Variants in SDK2 observed in about 807,000 individuals in gnomAD.
SDK2 encodes the protein protein sidekick-2.
A neutral mutation model predicts 253.9 loss-of-function variants in SDK2; 105 were observed. That is an observed-to-expected ratio of 0.41 (90% CI 0.35 to 0.49). SDK2 has a LOEUF of 0.49. SDK2 is among the 20% of genes least tolerant of loss of function. SDK2 has a pLI of 0.06. For missense variants in SDK2, 2,608 were observed against 3,003.0 expected (o/e 0.87, Z 3.07); for synonymous variants, 1,249 against 1,234.9 (o/e 1.01, Z -0.24).
At chr17:73,543,626 C>T (rs148931003) in intron 1 of SDK2, among the ~76,000 whole-genome samples, 181 of 152,344 alleles carry the variant, frequency 1.2e-3, no homozygotes, top group African/African-American at 4.1e-3. Context: ...CAGATGTGGC[C>T]GTGAGTCTGA....
At chr17:73,380,173 G>A (rs533683759) in intron 34 of SDK2, among the ~76,000 whole-genome samples, 75 of 152,200 alleles carry the variant, frequency 4.9e-4, no homozygotes, top group African/African-American at 1.7e-3. Context: ...TGGGTTCCCT[G>A]CCCCTGCTTC....
chr17:73,607,503 G>A (rs1312210607), intron 1 of SDK2, among the ~76,000 whole-genome samples: 1 of 152,188 alleles, frequency 6.6e-6, no homozygotes, highest in Admixed American at 6.5e-5. Context: ...ATGAAAAAAA[G>A]CAAAACGCTG....
chr17:73,611,183 G>A (rs1468472520), intron 1 of SDK2, among the ~76,000 whole-genome samples: 1 of 152,194 alleles, frequency 6.6e-6, no homozygotes, highest in Non-Finnish European at 1.5e-5. Context: ...TCTCTCCCAG[G>A]AGGGGGATTT....
chr17:73,636,823 A>G (rs2046338478), intron 1 of SDK2, among the ~76,000 whole-genome samples: 1 of 152,196 alleles, frequency 6.6e-6, no homozygotes, highest in Non-Finnish European at 1.5e-5. Flanking sequence ...TTGGAGGGGC[A>G]AGCACAGAAG....
chr17:73,371,737 A>G (rs1371334624), intron 36 of SDK2, among the ~76,000 whole-genome samples: 1 of 152,174 alleles, frequency 6.6e-6, no homozygotes, highest in Non-Finnish European at 1.5e-5. Flanking sequence ...AGGCAGGTGG[A>G]TCACCTGAGG....
intron 36 of SDK2, among the ~76,000 whole-genome samples, chr17:73,378,424 A>ATT (rs112567635): frequency 6.9e-6 from 1 of 145,568 alleles, no homozygotes; most frequent in African/African-American, 2.5e-5. Context: ...TTTAATTTTA[A>ATT]TTTTTTTTTT....
chr17:73,412,308 A>G (rs1158062530), intron 18 of SDK2, among the ~76,000 whole-genome samples: 2 of 150,142 alleles, frequency 1.3e-5, no homozygotes, highest in East Asian at 2.0e-4. Context: ...GTGTATATAT[A>G]TATATTTTTA....
intron 33 of SDK2, among the ~76,000 whole-genome samples, chr17:73,382,634 T>C (rs1298951812): frequency 6.6e-6 from 1 of 152,266 alleles, no homozygotes; most frequent in East Asian, 1.9e-4. Flanking sequence ...CCCTTAACTG[T>C]CGTAAATGCA....
At chr17:73,452,516 C>G (rs2063496795) in intron 4 of SDK2, among the ~76,000 whole-genome samples, 1 of 151,826 alleles carries the variant, frequency 6.6e-6, no homozygotes. Context: ...GGTGTTCTGT[C>G]CTGGTGCCAC....
At chr17:73,550,341 G>A (rs1167210083) in intron 1 of SDK2, among the ~76,000 whole-genome samples, 1 of 152,212 alleles carries the variant, frequency 6.6e-6, no homozygotes, top group African/African-American at 2.4e-5. Flanking sequence ...CCCAGGAAGG[G>A]ACCCCTAACC....
At chr17:73,579,917 G>T (rs1567853940) in intron 1 of SDK2, among the ~76,000 whole-genome samples, 1 of 151,780 alleles carries the variant, frequency 6.6e-6, no homozygotes, top group Non-Finnish European at 1.5e-5. Flanking sequence ...GGTGGAGGTG[G>T]CAGTGAGCTG....
intron 37 of SDK2, among the ~76,000 whole-genome samples, chr17:73,366,353 C>T (rs1018596771): frequency 4.6e-5 from 7 of 152,110 alleles, no homozygotes; most frequent in East Asian, 3.9e-4. Context: ...AGGAGGCGGA[C>T]GGACAGACTT....
In SDK2 at chr17:73,437,935, G is replaced by A. The variant is rs1037772662; in HGVS notation, c.916+29C>T. The A allele has an allele frequency of 5.8e-6, 9 of 1,565,186 alleles. No individual in the cohort carries two copies. The African/African-American group carries it at 1.2e-4, about 21-fold the overall frequency. On this transcript the variant is annotated intron_variant, in intron 7 of 44. Transcript: ENST00000392650. ...CGCCGTGCTGCCCCTACCCCTCAGG[G>A]GAGCCCTAGCAGCCCCACCCTCTCT...
In SDK2 at chr17:73,379,253, G is replaced by T; in HGVS notation, c.4904C>A (p.Ala1635Asp). Residue 1635 changes from alanine (A) to aspartate (D), a missense_variant, in exon 36 of 45, where the codon GCC becomes GAC. This residue lies in a region of SDK2 where 1,103 missense variants were observed against 1,143.9 expected (regional missense o/e 0.96). Coordinates refer to ENST00000392650, the MANE Select transcript of SDK2 (RefSeq NM_001144952.2). This position sits in a 1 kb window ranked among gnomAD's most constrained non-coding sequence, Gnocchi z 4.5. ...AGTCACGTCCAGCTGTGTGGCCGTG[G>T]CGCCGTGGACGACCACGTTACGAGG... is the stretch of plus-strand genomic sequence containing the variant. ...AAPRNVVVHG[A>D]TATQLDVTWE... The T allele has an allele frequency of 6.4e-7, 1 of 1,556,542 alleles. No homozygotes were observed. Among genetic ancestry groups the T allele is most frequent in the Non-Finnish European group, 8.7e-7 (1 of 1,149,660 alleles).
At chr17:73,369,415 G>A (rs1268093849) in intron 36 of SDK2, among the ~76,000 whole-genome samples, 11 of 152,216 alleles carry the variant, frequency 7.2e-5, no homozygotes, top group Non-Finnish European at 1.0e-4. Context: ...CGGCCAAGAC[G>A]GCGGGCAGCG....
chr17:73,426,819 G>A lies in SDK2; in HGVS notation c.1584-2727C>T, dbSNP rs187882800. Among the ~76,000 whole-genome samples, 8 of 152,286 alleles carry A rather than the reference G, an allele frequency of 5.3e-5. No individual in the cohort carries two copies. The East Asian group carries it at 1.2e-3, about 22-fold the overall frequency. On this transcript the variant is annotated intron_variant, in intron 12 of 44. Coordinates refer to ENST00000392650, the MANE Select transcript of SDK2 (RefSeq NM_001144952.2). ...TAGCCTATGGGGGCCGGGCGCGGTG[G>A]CTCATGCCTGTAATCCTAGCACTTT...
intron 1 of SDK2, among the ~76,000 whole-genome samples, chr17:73,548,354 G>A (rs1342544941): frequency 6.6e-6 from 1 of 152,204 alleles, no homozygotes; most frequent in Non-Finnish European, 1.5e-5. Flanking sequence ...GGTGCGACCT[G>A]TGCCTCCAGA....
At chr17:73,630,681 T>C (rs2046257427) in intron 1 of SDK2, among the ~76,000 whole-genome samples, 1 of 152,126 alleles carries the variant, frequency 6.6e-6, no homozygotes, top group Non-Finnish European at 1.5e-5. Flanking sequence ...GGAGACACAA[T>C]AAGTCCTAAC....
At chr17:73,461,956 C>G (rs370254945) in intron 3 of SDK2, among the ~76,000 whole-genome samples, 1 of 148,486 alleles carries the variant, frequency 6.7e-6, no homozygotes, top group South Asian at 2.1e-4. Context: ...TACATGTATG[C>G]ATTATTGGGA....
Sources: gnomAD v4.1 joint callset for allele counts (sites outside exome capture counted in the v4.1 genomes callset) on GRCh38, gnomAD v4.1.1 for gene constraint, gnomAD v4.1.1 regional missense constraint, Gnocchi (gnomAD v3.1) non-coding constraint, MANE v1.5 for transcripts, NCBI Gene and HGNC (gene_info 2026-07-23, HGNC 2026-07-21) for gene names.